Variants in TRPM1 observed in about 807,000 individuals in gnomAD.
TRPM1 encodes the protein transient receptor potential cation channel subfamily M member 1, also known as TRPM1-203 APA Isoform, Intron 10.
Under a neutral mutation model 149.4 loss-of-function variants are expected in TRPM1, and 113 were observed. The ratio of observed to expected loss-of-function variants is 0.76; its 90% CI spans 0.65 to 0.88. The LOEUF (loss-of-function observed/expected upper bound fraction) is 0.88, where lower values mean the gene tolerates loss of function less well. TRPM1 is among the 40% of genes least tolerant of loss of function. The pLI is 0.00. For missense variants in TRPM1, 1,976 were observed against 2,038.7 expected (o/e 0.97, Z 0.59); for synonymous variants, 741 against 759.5 (o/e 0.98, Z 0.40).
At chr15:31,098,448 AT>A in intron 1 of TRPM1, among the ~76,000 whole-genome samples, 1 of 152,284 alleles carries the variant, frequency 6.6e-6, no homozygotes, top group East Asian at 1.9e-4. Flanking sequence ...AAAAATAATA[AT>A]AATACACGTC....
chr15:31,138,701 C>A (rs1647995), intron 1 of TRPM1, among the ~76,000 whole-genome samples: 151,608 of 152,196 alleles, frequency 1, 75,514 homozygotes, highest in East Asian at 1. Context: ...CTATTTACAA[C>A]TAAATAAATA....
Position 31,055,951 on chromosome 15 carries a change from C to T in TRPM1, c.1263+4593G>A, listed in dbSNP as rs561024411. Among the ~76,000 whole-genome samples the T allele has an allele frequency of 2.2e-3, 337 of 152,228 alleles. 3 individuals carry two copies. Among genetic ancestry groups the T allele is most frequent in the African/African-American group, 7.8e-3 (323 of 41,552 alleles). ...AGATAATCTAGGGAACAGAAGATAA[C>T]TTCAAAAAATCTAATTCATATCCTT... On this transcript the variant is annotated intron_variant, in intron 11 of 27. Transcript: ENST00000256552.
intron 2 of TRPM1, among the ~76,000 whole-genome samples, chr15:31,080,609 GC>G (rs1210553963): frequency 6.7e-6 from 1 of 148,448 alleles, no homozygotes; most frequent in Non-Finnish European, 1.5e-5. Flanking sequence ...TCCTTCCCTA[GC>G]CCCCAGGCCC....
At chr15:31,062,321 T>C (rs1384558942) in intron 9 of TRPM1, among the ~76,000 whole-genome samples, 1 of 152,130 alleles carries the variant, frequency 6.6e-6, no homozygotes, top group Admixed American at 6.5e-5. Context: ...TGAGTAATAT[T>C]ATGAGCCTCA....
exon 1 of TRPM1, chr15:31,160,930 C>T: frequency 3.9e-6 from 6 of 1,535,530 alleles, no homozygotes; most frequent in Non-Finnish European, 5.2e-6. Flanking sequence ...ATGTGGAGCT[C>T]TTGAGCGAGC....
intron 12 of TRPM1, among the ~76,000 whole-genome samples, chr15:31,049,978 G>T (rs1203338215): frequency 6.6e-6 from 1 of 152,242 alleles, no homozygotes. Context: ...GCCATGCGAT[G>T]TGTGGCTCCA....
In TRPM1 at chr15:31,035,545, C is replaced by T. The variant is rs1282965938; in HGVS notation, c.2700+1G>A. 5.0e-6 allele frequency: 8 copies of T among 1,614,142 alleles called. No individual in the cohort carries two copies. Among genetic ancestry groups the T allele is most frequent in the Admixed American group, 1.7e-5 (1 of 60,004 alleles). On this transcript the variant is annotated splice_donor_variant, in intron 21 of 27. Transcript: ENST00000256552. LOFTEE classifies it high-confidence loss of function. ...CTGGGGGAGGCCTTTGGAGTAGCCA[C>T]CTCTCGTATCTTCTCTAACGCCAGG...
chr15:31,041,853 G>T, intron 17 of TRPM1, 98 bp downstream of exon 17: 1 of 1,311,474 alleles, frequency 7.6e-7, no homozygotes, highest in Non-Finnish European at 1.1e-6. Context: ...AACCACCATT[G>T]TCCTTAAGTG....
Position 31,064,755 on chromosome 15 carries a change from G to A in TRPM1, c.790+1321C>T, listed in dbSNP as rs796109290. On this transcript the variant is annotated intron_variant, in intron 7 of 27. Coordinates refer to ENST00000256552, the MANE Select transcript of TRPM1 (RefSeq NM_001252024.2). Reference sequence around the variant, plus strand: ...TTCCATGAGGTGTTTCTACAGTCAGGGACTCTTACATATGTTGAATAACTC... The same window carrying A: ...TTCCATGAGGTGTTTCTACAGTCAGAGACTCTTACATATGTTGAATAACTC... Among the ~76,000 whole-genome samples, 17 of 152,222 alleles carry A rather than the reference G, an allele frequency of 1.1e-4. 1 individual carries two copies. The highest frequency in any genetic ancestry group is 3.9e-4 in the African/African-American group (16 of 41,534).
At chr15:31,156,410 A>G (rs1425442077) in intron 1 of TRPM1, among the ~76,000 whole-genome samples, 1 of 152,120 alleles carries the variant, frequency 6.6e-6, no homozygotes, top group East Asian at 1.9e-4. Context: ...CCTGAACAGG[A>G]AACATTTGCC....
chr15:31,005,050 C>T (rs544532093), intron 27 of TRPM1, among the ~76,000 whole-genome samples: 24 of 151,782 alleles, frequency 1.6e-4, no homozygotes, highest in East Asian at 1.9e-4. Context: ...TGCAGTGAGC[C>T]GAGATCGCAC....
At chr15:31,027,930 G>GA (rs199690310) in intron 25 of TRPM1, among the ~76,000 whole-genome samples, 1 of 151,824 alleles carries the variant, frequency 6.6e-6, no homozygotes, top group Non-Finnish European at 1.5e-5. Flanking sequence ...TAAATGATCA[G>GA]AAAAAAATGC....
intron 1 of TRPM1, among the ~76,000 whole-genome samples, chr15:31,107,679 C>T (rs1014418635): frequency 2.1e-4 from 32 of 151,834 alleles, no homozygotes; most frequent in African/African-American, 5.1e-4. Flanking sequence ...ATTCTTAATA[C>T]GGGTGTTTAC....
rs915603269 is a variant in TRPM1, at chr15:31,026,175, G to C, written c.3593C>G (p.Ser1198Trp). ...GACCCGGATGCGCTCGTCGCTGGAC[G>C]ACTGCTGCTCATCCTCCTTCTCCCG... ...HFREKEDEQQ[S>W]SSDERIRVTS... The change falls in exon 27 of 28, where the codon TCG becomes TGG. Residue 1198 changes from serine (S) to tryptophan (W), a missense_variant. Ser to Trp is a radical substitution (Grantham distance 177, BLOSUM62 -3). This residue lies in a region of TRPM1 where 572 missense variants were observed against 578.9 expected (regional missense o/e 0.99). Transcript: ENST00000256552. 6.2e-7 allele frequency: 1 copy of C among 1,612,252 alleles called. No individual in the cohort carries two copies. The highest frequency in any genetic ancestry group is 1.1e-5 in the South Asian group (1 of 91,080).
intron 1 of TRPM1, among the ~76,000 whole-genome samples, chr15:31,134,674 C>A (rs112174923): frequency 6.6e-6 from 1 of 152,206 alleles, no homozygotes; most frequent in South Asian, 2.1e-4. Flanking sequence ...GTATTTAAAC[C>A]TGAAGTCTAA....
intron 7 of TRPM1, among the ~76,000 whole-genome samples, chr15:31,064,599 C>T (rs926477875): frequency 9.2e-5 from 14 of 152,060 alleles, no homozygotes; most frequent in African/African-American, 3.1e-4. Flanking sequence ...ATTAGTTGAT[C>T]GATATTAACT....
intron 1 of TRPM1, among the ~76,000 whole-genome samples, chr15:31,154,631 G>C (rs2036344330): frequency 6.6e-6 from 1 of 152,138 alleles, no homozygotes; most frequent in South Asian, 2.1e-4. Flanking sequence ...TTCTTGCCGG[G>C]GGACTAGACT....
At chr15:31,116,115 T>A (rs1212663395) in intron 1 of TRPM1, among the ~76,000 whole-genome samples, 4 of 152,116 alleles carry the variant, frequency 2.6e-5, no homozygotes, top group African/African-American at 9.7e-5. Flanking sequence ...GACACAAACA[T>A]TGAAGCCATA....
rs192678653 is a variant in TRPM1 at position 31,045,664 on chromosome 15, A to G, written c.1794+540T>C. ...CATCATACGTTTCCCTTGCTCTAAG[A>G]TATACGTGTATTTTAATCATTCCAA... On this transcript the variant is annotated intron_variant, in intron 16 of 27. Transcript: ENST00000256552. Among the ~76,000 whole-genome samples the G allele has an allele frequency of 1.0e-3, 158 of 152,314 alleles. 1 individual carries two copies. Among genetic ancestry groups the G allele is most frequent in the African/African-American group, 3.4e-3 (142 of 41,558 alleles).
Sources: gnomAD v4.1 joint callset for allele counts (sites outside exome capture counted in the v4.1 genomes callset) on GRCh38, gnomAD v4.1.1 for gene constraint, gnomAD v4.1.1 regional missense constraint, MANE v1.5 for transcripts, NCBI Gene and HGNC (gene_info 2026-07-23, HGNC 2026-07-21) for gene names.